GIPR: variants seen among roughly 807,000 people sequenced by gnomAD.
GIPR encodes the protein GIP-R.
GIPR carries 74 observed loss-of-function variants against 62.2 expected under a neutral mutation model. That is an observed-to-expected ratio of 1.19 (90% CI 0.99 to 1.44). The LOEUF (loss-of-function observed/expected upper bound fraction) is 1.44, where lower values mean the gene tolerates loss of function less well. Ranked by LOEUF, GIPR falls within the 40% of genes most tolerant of loss-of-function variation. The pLI is 0.00. For missense variants in GIPR, 664 were observed against 611.8 expected (o/e 1.09, Z -0.90); for synonymous variants, 256 against 262.2 (o/e 0.98, Z 0.23).
At chr19:45,671,248 G>A in intron 3 of GIPR, 37 bp from the exon 4 acceptor site, 1 of 1,235,714 alleles carries the variant, frequency 8.1e-7, no homozygotes, top group Non-Finnish European at 1.2e-6. Flanking sequence ...CTGCGCAGTA[G>A]GTCCACTGGG....
At chr19:45,680,839 C>CAAA (rs10561788) in intron 12 of GIPR, among the ~76,000 whole-genome samples, 1 of 111,456 alleles carries the variant, frequency 9.0e-6, no homozygotes. Flanking sequence ...TCCCTGTCTC[C>CAAA]AAAAAAAAAA....
chr19:45,681,615 C>T lies in GIPR; in HGVS notation c.1164C>T (p.Val388=), dbSNP rs1167228528. 2 of 1,613,942 alleles carry T rather than the reference C, an allele frequency of 1.2e-6. No individual in the cohort carries two copies. The highest frequency in any genetic ancestry group is 3.3e-5 in the Admixed American group (2 of 60,032). Reference sequence around the variant, plus strand: ...CCTCCTCTGGGCAGGGCTTCCTGGTCAGCGTCCTCTACTGCTTCATCAACA... The same window carrying T: ...CCTCCTCTGGGCAGGGCTTCCTGGTTAGCGTCCTCTACTGCTTCATCAACA... ...IFLSSFQGFL[V]SVLYCFINKE... The change falls in exon 13 of 14, where the codon GTC becomes GTT. Residue 388 remains valine, a synonymous_variant. Transcript: ENST00000590918.
intron 4 of GIPR, among the ~76,000 whole-genome samples, chr19:45,671,786 T>TA (rs200920589): frequency 8.9e-4 from 134 of 151,104 alleles, no homozygotes; most frequent in East Asian, 7.2e-3. Context: ...GGCTTTTTTT[T>TA]TATATATATA....
intron 12 of GIPR, 76 bp from the exon 13 acceptor site, chr19:45,681,528 A>AAAC: frequency 8.9e-6 from 11 of 1,235,148 alleles, no homozygotes; most frequent in Non-Finnish European, 1.1e-5. Flanking sequence ...ACAAACAAAA[A>AAAC]ACGGGGAGGG....
chr19:45,677,632 G>C, intron 9 of GIPR, 78 bp from the exon 10 acceptor site: 1 of 1,146,554 alleles, frequency 8.7e-7, no homozygotes, highest in South Asian at 1.2e-5. Context: ...CGGTGGGCGG[G>C]GCCTAGCGAG....
chr19:45,678,146 G>T lies in GIPR; in HGVS notation c.1072G>T (p.Ala358Ser). 1.2e-6 allele frequency: 2 copies of T among 1,610,984 alleles called. No homozygotes were observed. Among genetic ancestry groups the T allele is most frequent in the African/African-American group, 1.3e-5 (1 of 74,982 alleles). The change falls in exon 12 of 14, where the codon GCT becomes TCT. Residue 358 changes from alanine to serine, a missense_variant. Transcript: ENST00000590918. ...GCTGGGTGTCCACGAGGTGGTGTTT[G>T]CTCCCGTGACAGAGGAACAGGCCCG... ...PLLGVHEVVFAPVTEEQARGA... is the reference protein window; with the variant it reads ...PLLGVHEVVFSPVTEEQARGA...
At chr19:45,670,517 C>G in intron 2 of GIPR, 118 bp from the exon 3 acceptor site, 1 of 679,314 alleles carries the variant, frequency 1.5e-6, no homozygotes, top group Admixed American at 2.5e-5. Context: ...ACCCAAGACT[C>G]CCGAACAACA....
At position 45,677,736 on chromosome 19, in the gene GIPR, C is replaced by T. The variant is rs1397072750; in HGVS notation, c.881C>T (p.Ala294Val). 8 of 1,613,342 alleles carry T rather than the reference C, an allele frequency of 5.0e-6. No individual in the cohort carries two copies. The highest frequency in any genetic ancestry group is 6.8e-6 in the Non-Finnish European group (8 of 1,179,534). ...TGCTGGGAGCGCAACGAAGTCAAGG[C>T]CATTTGGTGGATTATACGGACCCCC... Reference protein sequence around the residue: ...TQCWERNEVKAIWWIIRTPIL... With the variant: ...TQCWERNEVKVIWWIIRTPIL... Residue 294 changes from alanine (A) to valine (V), a missense_variant, in exon 10 of 14, where the codon GCC (alanine) becomes GTC (valine). By Grantham distance (64) the Ala-to-Val change is moderately conservative (BLOSUM62 0). Coordinates refer to ENST00000590918, the MANE Select transcript of GIPR (RefSeq NM_000164.4).
At position 45,683,197 on chromosome 19, in the gene GIPR, G is replaced by A. The variant is rs1193256146; in HGVS notation, c.*1262G>A. 6.6e-6 allele frequency: 1 copy of A among 152,512 alleles called. No individual in the cohort carries two copies. The highest frequency in any genetic ancestry group is 2.4e-5 in the African/African-American group (1 of 41,420). 9.4% of individuals were successfully genotyped at this position (152,512 alleles called of 1,614,324 possible). The stretch of plus-strand genomic sequence containing the variant: ...TGGCAGTGTTTGTAGGACATGACAG[G>A]ACACTGAGTGTAAGGGTCTGGAGCT... On this transcript the variant is annotated 3_prime_UTR_variant, in exon 14 of 14. Transcript: ENST00000590918.
In GIPR at chr19:45,677,372, C is replaced by A. The variant is rs550405192; in HGVS notation, c.843C>A (p.Tyr281Ter). Residue 281 changes from tyrosine (Y) to a stop codon, truncating the protein, a stop_gained, in exon 9 of 14, where the codon TAC (tyrosine) becomes TAA (stop). Transcript: ENST00000590918. LOFTEE classifies it high-confidence loss of function. ...VIPWVIVRYL[Y>*]ENTQCWERNE... ...CCTGGGTGATCGTCAGGTACCTGTA[C>A]GAGAACACGCAGTGAGTTGCAGGGT... 46 of 1,586,750 alleles carry A rather than the reference C, an allele frequency of 2.9e-5. No homozygotes were observed. The East Asian group carries it at 8.5e-4, about 29-fold the overall frequency.
chr19:45,672,598 C>T (rs1001342881), intron 4 of GIPR: 7 of 424,964 alleles, frequency 1.6e-5, no homozygotes, highest in African/African-American at 1.4e-4. Context: ...AGCCACCACG[C>T]CCAGCCTTAA....
chr19:45,673,517 C>A (rs575572266), intron 5 of GIPR, among the ~76,000 whole-genome samples: 2 of 150,570 alleles, frequency 1.3e-5, no homozygotes, highest in Admixed American at 1.3e-4. Context: ...ATTGCTTGAA[C>A]GCAGGATTTT....
chr19:45,674,279 T>A, intron 6 of GIPR, 102 bp downstream of exon 6: 1 of 829,988 alleles, frequency 1.2e-6, no homozygotes, highest in Non-Finnish European at 2.1e-6. Flanking sequence ...AGCTATCCAC[T>A]GGTGGTTCTA....
At chr19:45,672,399 C>T (rs559896079) in intron 4 of GIPR, among the ~76,000 whole-genome samples, 11 of 148,086 alleles carry the variant, frequency 7.4e-5, no homozygotes, top group African/African-American at 2.2e-4. Flanking sequence ...CCTCACCTCC[C>T]GGGTTCAAGC....
At position 45,670,665 on chromosome 19, in the gene GIPR, C is replaced by T; in HGVS notation, c.103C>T (p.Leu35=). The T allele has an allele frequency of 6.2e-7, 1 of 1,613,384 alleles. No homozygotes were observed. The highest frequency in any genetic ancestry group is 8.5e-7 in the Non-Finnish European group (1 of 1,179,736). The change falls in exon 3 of 14, where the codon CTG becomes TTG. Residue 35 remains leucine, a synonymous_variant. Coordinates refer to ENST00000590918, the MANE Select transcript of GIPR (RefSeq NM_000164.4). ...CTCTAAGGGGCAGACGGCGGGGGAG[C>T]TGTACCAGCGCTGGGAACGGTACCG... The part of the protein sequence containing the change: ...TGSKGQTAGE[L]YQRWERYRRE...
Position 45,681,807 on chromosome 19 carries a change from G to T in GIPR, c.1273G>T (p.Glu425Ter). Residue 425 changes from glutamate (E) to a stop codon, truncating the protein, a stop_gained, in exon 14 of 14, where the codon GAG becomes TAG. Transcript: ENST00000590918. LOFTEE classifies it low-confidence loss of function (END_TRUNC). Reference sequence around the variant, plus strand: ...GGGCGAGGAGCAACGCCAGCTCCCGGAGCGCGCCTTCCGGGCCCTGCCCTC... The same window carrying T: ...GGGCGAGGAGCAACGCCAGCTCCCGTAGCGCGCCTTCCGGGCCCTGCCCTC... ...SLGEEQRQLP[E>*]RAFRALPSGS... The T allele has an allele frequency of 6.4e-7, 1 of 1,572,352 alleles. No individual in the cohort carries two copies. The highest frequency in any genetic ancestry group is 8.6e-7 in the Non-Finnish European group (1 of 1,158,680).
At position 45,674,502 on chromosome 19, in the gene GIPR, G is replaced by C. The variant is rs578229676; in HGVS notation, c.489-180G>C. 343 of 661,758 alleles carry C rather than the reference G, an allele frequency of 5.2e-4. 2 individuals are homozygous for C. The African/African-American group carries it at 5.8e-3, about 11-fold the overall frequency. 41.0% of individuals were successfully genotyped at this position (661,758 alleles called of 1,614,324 possible). A position where few individuals can be genotyped will look rare whatever the true frequency, so the allele number is the denominator to read the frequency against. ...GCACCTGTGGTACCAGCTATAGGGG[G>C]GCGCTGAGACAGGAGGATTGCTTGA... is the stretch of plus-strand genomic sequence containing the variant. On this transcript the variant is annotated intron_variant, in intron 6 of 13. Coordinates refer to ENST00000590918, the MANE Select transcript of GIPR (RefSeq NM_000164.4).
At chr19:45,680,421 G>A (rs772133639) in intron 12 of GIPR, among the ~76,000 whole-genome samples, 3 of 152,026 alleles carry the variant, frequency 2.0e-5, no homozygotes, top group Non-Finnish European at 4.4e-5. Context: ...TAGCCACTCT[G>A]GAGGCTGAAG....
In GIPR at chr19:45,669,556, G is replaced by T. The variant is rs761114969; in HGVS notation, c.36G>T (p.Arg12=). The T allele has an allele frequency of 1.3e-6, 2 of 1,582,306 alleles. No individual in the cohort carries two copies. Among genetic ancestry groups the T allele is most frequent in the Admixed American group, 1.8e-5 (1 of 55,314 alleles). ...CTCCGATCCTGCAGCTGCTGCTGCG[G>T]CTCTCACTGTGCGGGCTGCTGCTCC... The part of the protein sequence containing the change: ...TTSPILQLLL[R]LSLCGLLLQR... The change falls in exon 2 of 14, where the codon CGG becomes CGT. Residue 12 remains arginine (R), a synonymous_variant. Coordinates refer to ENST00000590918, the MANE Select transcript of GIPR (RefSeq NM_000164.4).
Sources: allele counts gnomAD v4.1 joint callset (sites outside exome capture counted in the v4.1 genomes callset), GRCh38; gene constraint gnomAD v4.1.1; transcripts MANE v1.5; gene names NCBI Gene and HGNC (gene_info 2026-07-23, HGNC 2026-07-21).